PLCH2: variants seen among roughly 807,000 people sequenced by gnomAD.
The protein encoded by PLCH2 is phospholipase C eta 2, also known as 1-phosphatidylinositol 4,5-bisphosphate phosphodiesterase eta-2.
A neutral mutation model predicts 134.7 loss-of-function variants in PLCH2; 98 were observed. The observed-to-expected ratio is 0.73, with a 90% CI of 0.62 to 0.86. The LOEUF (loss-of-function observed/expected upper bound fraction) is 0.86. Ranked by LOEUF, PLCH2 falls within the 40% of genes least tolerant of loss-of-function variation. The pLI is 0.00. For synonymous variants in PLCH2, 974 were observed against 827.5 expected (o/e 1.18, Z -3.04); for missense variants, 1,994 against 1,986.6 (o/e 1.00, Z -0.07).
rs763642074 is a variant in PLCH2 at position 2,504,617 on chromosome 1, C to A, written c.3655C>A (p.Leu1219Met). The A allele has an allele frequency of 3.1e-6, 5 of 1,612,622 alleles. No homozygotes were observed. The African/African-American group carries it at 4.0e-5, about 13-fold the overall frequency. ...CCAGCGGCCTCCCATACCTGACGAA[C>A]TGCAGCCCAGGTCCCTGGCCCCAAG... ...TGQRPPIPDE[L>M]QPRSLAPRMA... is the part of the protein sequence containing the mutation. Residue 1219 changes from leucine (L) to methionine (M), a missense_variant, in exon 22 of 22, where the codon CTG (leucine) becomes ATG (methionine). Physicochemically the swap from Leu to Met is conservative, Grantham distance 15. This residue lies in a region of PLCH2 where 900 missense variants were observed against 752.3 expected (regional missense o/e 1.20). Coordinates refer to ENST00000378486, the MANE Select transcript of PLCH2 (RefSeq NM_014638.4).
upstream of PLCH2, among the ~76,000 whole-genome samples, chr1:2,421,442 C>T (rs1025877018): frequency 1.3e-5 from 2 of 152,168 alleles, no homozygotes; most frequent in African/African-American, 4.8e-5. Context: ...CACAGAAATA[C>T]TATAAAAAGC....
chr1:2,483,109 G>A (rs1330513027), intron 4 of PLCH2, among the ~76,000 whole-genome samples: 1 of 152,210 alleles, frequency 6.6e-6, no homozygotes, highest in East Asian at 1.9e-4. Flanking sequence ...CTGCTGTGGT[G>A]GATGCAGCAC....
intron 1 of PLCH2, among the ~76,000 whole-genome samples, chr1:2,469,420 G>C (rs1157210528): frequency 6.6e-6 from 1 of 152,240 alleles, no homozygotes; most frequent in Non-Finnish European, 1.5e-5. Context: ...CAGACTCCAC[G>C]TGCCGCCGAG....
intron 4 of PLCH2, among the ~76,000 whole-genome samples, chr1:2,482,359 GT>G (rs1642016986): frequency 1.3e-5 from 2 of 152,314 alleles, no homozygotes; most frequent in African/African-American, 4.8e-5. Context: ...CCCAGGCTCT[GT>G]CCCATGGGGG....
chr1:2,494,160 G>T (rs996677353), intron 11 of PLCH2, among the ~76,000 whole-genome samples: 1 of 152,192 alleles, frequency 6.6e-6, no homozygotes, highest in Admixed American at 6.5e-5. Flanking sequence ...TGTTTTGGAG[G>T]TGTCTGTGGG....
chr1:2,486,153 G>C (rs573586274), intron 5 of PLCH2, among the ~76,000 whole-genome samples: 1 of 152,200 alleles, frequency 6.6e-6, no homozygotes, highest in Non-Finnish European at 1.5e-5. Flanking sequence ...AATGGGGCCT[G>C]GATAGGGGAT....
rs896994138 is a variant in PLCH2 at position 2,498,585 on chromosome 1, C to A, written c.2287C>A (p.Arg763=). 6.9e-6 allele frequency: 11 copies of A among 1,599,964 alleles called. No individual in the cohort carries two copies. Among genetic ancestry groups the A allele is most frequent in the African/African-American group, 1.3e-5 (1 of 74,346 alleles). The change falls in exon 17 of 22, where the codon CGG becomes AGG. Residue 763 remains arginine, a synonymous_variant. Coordinates refer to ENST00000378486, the MANE Select transcript of PLCH2 (RefSeq NM_014638.4). This position sits in a 1 kb window ranked among gnomAD's most constrained non-coding sequence, Gnocchi z 5.4. ...GCAGCTCAAGAAGCAGCTGGTGCTC[C>A]GGATCATCAGTGGCCAGCAGCTTCC... The part of the protein sequence containing the change: ...PGQLKKQLVL[R]IISGQQLPKP...
intron 2 of PLCH2, among the ~76,000 whole-genome samples, chr1:2,451,335 C>T (rs566532867): frequency 2.0e-5 from 3 of 152,316 alleles, no homozygotes; most frequent in African/African-American, 4.8e-5. Flanking sequence ...TACGCAGTAG[C>T]GTCTCCGAGG....
chr1:2,420,311 T>C, the PLCH2 span, among the ~76,000 whole-genome samples: 1 of 152,174 alleles, frequency 6.6e-6, no homozygotes, highest in Non-Finnish European at 1.5e-5. Context: ...CCCCCTGCCC[T>C]GTGATTTCAG....
chr1:2,425,568 C>T (rs1638750553), upstream of PLCH2, among the ~76,000 whole-genome samples: 1 of 152,204 alleles, frequency 6.6e-6, no homozygotes, highest in Non-Finnish European at 1.5e-5. Context: ...GGTTGGAGTG[C>T]AGTGGCATGA....
At chr1:2,477,792 G>A (rs776592066) in intron 1 of PLCH2, among the ~76,000 whole-genome samples, 4 of 152,222 alleles carry the variant, frequency 2.6e-5, no homozygotes, top group Non-Finnish European at 4.4e-5. Flanking sequence ...AGTGCAGGGC[G>A]TGCGACGCAG....
intron 1 of PLCH2, among the ~76,000 whole-genome samples, chr1:2,468,747 G>A (rs1436700507): frequency 6.6e-6 from 1 of 152,222 alleles, no homozygotes; most frequent in East Asian, 1.9e-4. Flanking sequence ...ACATGGCATC[G>A]CTGCTGGGCA....
intron 2 of PLCH2, among the ~76,000 whole-genome samples, chr1:2,436,249 TC>T (rs1639350148): frequency 1.2e-5 from 1 of 81,520 alleles, no homozygotes; most frequent in African/African-American, 5.3e-5. Flanking sequence ...TCCTCCCTCC[TC>T]CCCTCCTCCC....
chr1:2,466,585 C>T (rs377416763), upstream of PLCH2, among the ~76,000 whole-genome samples: 23 of 152,236 alleles, frequency 1.5e-4, no homozygotes, highest in South Asian at 1.0e-3. Context: ...CCCGGGCCTG[C>T]GTGCCTGCCT....
chr1:2,418,778 G>A, the PLCH2 span, among the ~76,000 whole-genome samples: 2 of 152,194 alleles, frequency 1.3e-5, no homozygotes, highest in Admixed American at 6.5e-5. Flanking sequence ...TGACCTGTGC[G>A]CTTATGACGG....
chr1:2,502,018 G>A (rs1056550348), intron 20 of PLCH2, 94 bp from the exon 21 acceptor site: 37 of 1,180,168 alleles, frequency 3.1e-5, no homozygotes, highest in Admixed American at 2.3e-4. Context: ...CGCATGGCAC[G>A]TCTGTGGCAC....
Position 2,476,666 on chromosome 1 carries a change from TG to T in PLCH2, c.80del (p.Gly27GlufsTer30). ...AWLAEVLLWV[G>X]GSVVLSSEWQ... ...GGCTGGCGGAGGTACTCCTCTGGGT[TG>T]GAGGGAGTGTGGTGCTGTCTTCAGA... On this transcript the variant is annotated frameshift_variant, in exon 1 of 22. Transcript: ENST00000378486. LOFTEE classifies it high-confidence loss of function. 1 of 1,610,438 alleles carries T rather than the reference TG, an allele frequency of 6.2e-7. No individual in the cohort carries two copies. The highest frequency in any genetic ancestry group is 2.2e-5 in the East Asian group (1 of 44,720).
intron 2 of PLCH2, among the ~76,000 whole-genome samples, chr1:2,459,237 T>C (rs1640648621): frequency 6.6e-6 from 1 of 152,244 alleles, no homozygotes. Flanking sequence ...CTCTGGCTTG[T>C]TTATTTTGTC....
At position 2,455,107 on chromosome 1, in the gene PLCH2, G is replaced by A. The variant is rs182127891; in HGVS notation, c.116-23369G>A. ...ACCCCCATGATGCTGAGCCCCCAGC[G>A]GAGCCGGGACCTGGCTCTCCCCTTA... is the stretch of plus-strand genomic sequence containing the variant. On this transcript the variant is annotated intron_variant, in intron 2 of 3. Coordinates refer to the PLCH2 transcript ENST00000609981. 4.8e-3 allele frequency among the ~76,000 whole-genome samples: 730 copies of A among 152,300 alleles called. 4 individuals are homozygous for A. Among genetic ancestry groups the A allele is most frequent in the Non-Finnish European group, 9.0e-3 (615 of 68,014 alleles).
Sources: allele counts gnomAD v4.1 joint callset (sites outside exome capture counted in the v4.1 genomes callset), GRCh38; gene constraint gnomAD v4.1.1; regional missense constraint gnomAD v4.1.1; non-coding constraint Gnocchi (gnomAD v3.1); transcripts MANE v1.5; gene names NCBI Gene and HGNC (gene_info 2026-07-23, HGNC 2026-07-21).